Variants in PID1 observed in about 807,000 individuals in gnomAD.
PID1 encodes phosphotyrosine interaction domain containing 1, also known as PTB-containing, cubilin and LRP1-interacting protein.
Under a neutral mutation model 19.1 loss-of-function variants are expected in PID1, and 10 were observed. That is an observed-to-expected ratio of 0.52 (90% CI 0.32 to 0.89). PID1 has a LOEUF of 0.89. Ranked by LOEUF, PID1 falls within the 40% of genes least tolerant of loss-of-function variation. PID1 has a pLI of 0.03. For missense variants in PID1, 248 were observed against 285.3 expected (o/e 0.87, Z 0.94); for synonymous variants, 130 against 116.0 (o/e 1.12, Z -0.78).
intron 1 of PID1, among the ~76,000 whole-genome samples, chr2:229,196,205 G>A (rs914869746): frequency 5.3e-5 from 8 of 151,948 alleles, no homozygotes; most frequent in African/African-American, 1.7e-4. Flanking sequence ...AAATAGTGAG[G>A]GAGAAGGAAA....
intron 2 of PID1, among the ~76,000 whole-genome samples, chr2:229,071,988 C>A (rs1326907224): frequency 6.6e-6 from 1 of 152,018 alleles, no homozygotes; most frequent in Admixed American, 6.6e-5. Context: ...TTTATATTCC[C>A]AAATGGCCCT....
chr2:229,197,674 T>C (rs1452182712), intron 1 of PID1, among the ~76,000 whole-genome samples: 5 of 152,116 alleles, frequency 3.3e-5, no homozygotes, highest in African/African-American at 9.6e-5. Flanking sequence ...CAGGATAAAG[T>C]AAAAATTTCT....
rs552105014 is a variant in PID1 at position 229,115,806 on chromosome 2, T to A, written c.177+40012A>T. On this transcript the variant is annotated intron_variant, in intron 2 of 2. Coordinates refer to ENST00000392055, the MANE Select transcript of PID1 (RefSeq NM_001100818.2). Reference sequence around the variant, plus strand: ...GAACTTGGCAATACAGAAACAGTATTGACTTCAAGTTACTACATTGGTTTT... The same window carrying A: ...GAACTTGGCAATACAGAAACAGTATAGACTTCAAGTTACTACATTGGTTTT... Among the ~76,000 whole-genome samples, 118 of 152,328 alleles carry A rather than the reference T, an allele frequency of 7.7e-4. 1 individual carries two copies. Among genetic ancestry groups the A allele is most frequent in the African/African-American group, 2.7e-3 (114 of 41,568 alleles).
intron 1 of PID1, among the ~76,000 whole-genome samples, chr2:229,231,216 C>T (rs1382002243): frequency 1.3e-5 from 2 of 152,058 alleles, no homozygotes; most frequent in East Asian, 3.9e-4. Flanking sequence ...CACTAGCAGC[C>T]AATGCAATCC....
At chr2:229,115,388 C>A in intron 2 of PID1, among the ~76,000 whole-genome samples, 1 of 125,638 alleles carries the variant, frequency 8.0e-6, no homozygotes. Flanking sequence ...ACCTATAGTC[C>A]CAGCTACTCT....
In PID1 at chr2:229,024,598, T is replaced by G. The variant is rs1461697635; in HGVS notation, c.*1034A>C. 1 of 152,784 alleles carries G rather than the reference T, an allele frequency of 6.5e-6. No individual in the cohort carries two copies. The highest frequency in any genetic ancestry group is 1.9e-4 in the East Asian group (1 of 5,192). The allele number at this position is 152,784 out of a possible 1,614,324, so 9.5% of individuals were successfully genotyped here. A position where few individuals can be genotyped will look rare whatever the true frequency, so the allele number is the denominator to read the frequency against. Reference sequence around the variant, plus strand: ...AAGTTTATCTAACTCATTCTGTATCTAAGTGCAATGCTGAGTGATGGGGGC... The same window carrying G: ...AAGTTTATCTAACTCATTCTGTATCGAAGTGCAATGCTGAGTGATGGGGGC... On this transcript the variant is annotated 3_prime_UTR_variant, in exon 3 of 3. Coordinates refer to ENST00000392055, the MANE Select transcript of PID1 (RefSeq NM_001100818.2).
chr2:229,267,198 A>G (rs1690612524), intron 1 of PID1, among the ~76,000 whole-genome samples: 1 of 152,180 alleles, frequency 6.6e-6, no homozygotes, highest in African/African-American at 2.4e-5. Context: ...ACCAAAAGAA[A>G]GCTTTTTCAG....
At chr2:229,184,964 T>C (rs1438678106) in intron 1 of PID1, among the ~76,000 whole-genome samples, 2 of 62,586 alleles carry the variant, frequency 3.2e-5, no homozygotes, top group Non-Finnish European at 5.8e-5. Flanking sequence ...TAAAATCCCA[T>C]ATATATACTA....
intron 2 of PID1, among the ~76,000 whole-genome samples, chr2:229,040,085 T>C (rs1484537886): frequency 6.7e-6 from 1 of 150,112 alleles, no homozygotes; most frequent in Non-Finnish European, 1.5e-5. Flanking sequence ...TATATGTACT[T>C]ACATGAAGTG....
At chr2:229,179,038 A>G (rs1420944220) in intron 1 of PID1, among the ~76,000 whole-genome samples, 2 of 152,186 alleles carry the variant, frequency 1.3e-5, no homozygotes, top group Non-Finnish European at 2.9e-5. Context: ...TAACTCTTTC[A>G]CTACTCACCC....
chr2:229,125,880 A>T (rs955477649), intron 2 of PID1, among the ~76,000 whole-genome samples: 1 of 152,168 alleles, frequency 6.6e-6, no homozygotes, highest in East Asian at 1.9e-4. Context: ...AAAATTGAGC[A>T]TGTTGAGCAA....
At chr2:229,054,773 C>T (rs1233714863) in intron 2 of PID1, among the ~76,000 whole-genome samples, 1 of 143,974 alleles carries the variant, frequency 6.9e-6, no homozygotes, top group Non-Finnish European at 1.5e-5. Context: ...TTCAATATTC[C>T]TGACCTATCA....
chr2:229,165,764 C>A (rs1690584433), intron 1 of PID1, among the ~76,000 whole-genome samples: 4 of 151,774 alleles, frequency 2.6e-5, no homozygotes, highest in Non-Finnish European at 4.4e-5. Context: ...TGCAATAAGG[C>A]AATAAAAAGA....
At chr2:229,156,009 C>T (rs760966116) in intron 1 of PID1, 45 bp from the exon 2 acceptor site, 6 of 1,573,442 alleles carry the variant, frequency 3.8e-6, no homozygotes, top group Non-Finnish European at 3.5e-6. Flanking sequence ...ATCACTTGGA[C>T]TTTTATGTCC....
At chr2:229,191,546 C>T (rs951377323) in intron 1 of PID1, among the ~76,000 whole-genome samples, 2 of 152,124 alleles carry the variant, frequency 1.3e-5, no homozygotes, top group Non-Finnish European at 2.9e-5. Flanking sequence ...AATTTGAGTT[C>T]AGCAGCTAAT....
chr2:229,039,541 T>C (rs1693726156), intron 2 of PID1, among the ~76,000 whole-genome samples: 1 of 152,178 alleles, frequency 6.6e-6, no homozygotes. Context: ...ACAAAAATAT[T>C]TGATATATAC....
At chr2:229,076,613 A>C (rs1694563965) in intron 2 of PID1, among the ~76,000 whole-genome samples, 1 of 151,980 alleles carries the variant, frequency 6.6e-6, no homozygotes, top group African/African-American at 2.4e-5. Flanking sequence ...CTCATTGGTC[A>C]ACTCCCACTT....
intron 2 of PID1, among the ~76,000 whole-genome samples, chr2:229,127,345 A>G (rs895844167): frequency 5.3e-5 from 8 of 152,182 alleles, no homozygotes; most frequent in Admixed American, 3.9e-4. Flanking sequence ...CACACTGAGA[A>G]TTGACTTGAA....
intron 2 of PID1, among the ~76,000 whole-genome samples, chr2:229,139,529 A>T (rs913048111): frequency 1.3e-5 from 2 of 152,182 alleles, no homozygotes; most frequent in Non-Finnish European, 2.9e-5. Flanking sequence ...GAACAAGGAA[A>T]AAACAAACAA....
Sources: gnomAD v4.1 joint callset for allele counts (sites outside exome capture counted in the v4.1 genomes callset) on GRCh38, gnomAD v4.1.1 for gene constraint, MANE v1.5 for transcripts, NCBI Gene and HGNC (gene_info 2026-07-23, HGNC 2026-07-21) for gene names.